Variants in PSMF1 observed in about 807,000 individuals in gnomAD.
PSMF1 encodes proteasome inhibitor PI31 subunit.
PSMF1 carries 30 observed loss-of-function variants against 29.3 expected under a neutral mutation model. The observed-to-expected ratio is 1.02, with a 90% CI of 0.77 to 1.39. The LOEUF (loss-of-function observed/expected upper bound fraction) is 1.39. PSMF1 is among the 40% of genes most tolerant of loss of function. PSMF1 has a pLI of 0.00. For synonymous variants in PSMF1, 134 were observed against 139.7 expected, an observed-to-expected ratio of 0.96 and a Z score of 0.29; for missense variants, 344 against 357.5, an observed-to-expected ratio of 0.96 and a Z score of 0.31.
intron 1 of PSMF1, among the ~76,000 whole-genome samples, chr20:1,125,171 G>A (rs1483540017): frequency 1.3e-5 from 2 of 152,164 alleles, no homozygotes; most frequent in Non-Finnish European, 2.9e-5. Flanking sequence ...TTAGAACTTC[G>A]CAGTGTTCCT....
At chr20:1,118,974 G>T in intron 1 of PSMF1, 72 bp downstream of exon 1, 1 of 1,551,002 alleles carries the variant, frequency 6.4e-7, no homozygotes, top group Middle Eastern at 1.7e-4. Context: ...CGGAGGCCTG[G>T]TCCAGAGCGC....
At chr20:1,135,056 C>A in intron 3 of PSMF1, 65 bp from the exon 4 acceptor site, 1 of 1,562,184 alleles carries the variant, frequency 6.4e-7, no homozygotes, top group South Asian at 1.1e-5. Flanking sequence ...TCGTTGCAGC[C>A]AGAATACCAC....
chr20:1,125,572 G>T lies in PSMF1; in HGVS notation c.204G>T (p.Arg68=). ...ACAATAAAGACCTGTATGTCCTCCG[G>T]TATGAGTATAAGGATGGGTCCAGAA... ...WNNNKDLYVL[R]YEYKDGSRKL... is the part of the protein sequence containing the mutation. The change falls in exon 2 of 7, where the codon CGG becomes CGT. Residue 68 remains arginine (R), a synonymous_variant. Transcript: ENST00000335877. 1 of 1,614,140 alleles carries T rather than the reference G, an allele frequency of 6.2e-7. No individual in the cohort carries two copies.
At chr20:1,130,098 A>G (rs1209594075) in intron 3 of PSMF1, among the ~76,000 whole-genome samples, 1 of 152,238 alleles carries the variant, frequency 6.6e-6, no homozygotes, top group Non-Finnish European at 1.5e-5. Flanking sequence ...GTGTGATTCT[A>G]TTAAAAGTAC....
rs1417763009 is a variant in PSMF1, at chr20:1,171,953, C to T, written c.*6873C>T. The stretch of plus-strand genomic sequence containing the variant: ...TGTGAAGAGAGGGATGGCCCAGGGG[C>T]CCTTGGCCATGGTGGCCTTGGACAA... On this transcript the variant is annotated 3_prime_UTR_variant, in exon 7 of 7. Transcript: ENST00000335877. Among the ~76,000 whole-genome samples, 2 of 152,230 alleles carry T rather than the reference C, an allele frequency of 1.3e-5. No individual in the cohort carries two copies. The highest frequency in any genetic ancestry group is 2.4e-5 in the African/African-American group (1 of 41,468).
At chr20:1,128,689 T>G (rs1029791772) in intron 3 of PSMF1, among the ~76,000 whole-genome samples, 145 of 146,302 alleles carry the variant, frequency 9.9e-4, no homozygotes, top group African/African-American at 3.5e-3. Flanking sequence ...TTATAGGGAT[T>G]TTCCCCCCAT....
At chr20:1,151,083 T>A (rs2122568746) in intron 4 of PSMF1, among the ~76,000 whole-genome samples, 1 of 152,372 alleles carries the variant, frequency 6.6e-6, no homozygotes, top group Non-Finnish European at 1.5e-5. Context: ...TCTCTATTCT[T>A]AAAATTTGTT....
At chr20:1,139,049 G>C (rs8117499) in intron 4 of PSMF1, among the ~76,000 whole-genome samples, 104 of 151,904 alleles carry the variant, frequency 6.8e-4, no homozygotes, top group Admixed American at 2.6e-3. Flanking sequence ...GGTTGTGCAT[G>C]CCTGTAATCC....
intron 4 of PSMF1, among the ~76,000 whole-genome samples, chr20:1,145,378 T>C (rs1188328322): frequency 3.3e-5 from 5 of 152,082 alleles, no homozygotes; most frequent in Admixed American, 3.3e-4. Context: ...GGATGAGCAA[T>C]GGACTGGGAG....
In PSMF1 at chr20:1,165,720, G is replaced by T; in HGVS notation, c.*640G>T. On this transcript the variant is annotated 3_prime_UTR_variant, in exon 7 of 7. Transcript: ENST00000335877. ...ACAAGAATGACTTTCACAAGGGCAGGAACATTGTGGAAAGACTGCATCATT... is the reference window on the plus strand; with the variant it reads ...ACAAGAATGACTTTCACAAGGGCAGTAACATTGTGGAAAGACTGCATCATT... 1 of 1,005,770 alleles carries T rather than the reference G, an allele frequency of 9.9e-7. No homozygotes were observed. The highest frequency in any genetic ancestry group is 1.2e-6 in the Non-Finnish European group (1 of 841,264). 62.3% of individuals were successfully genotyped at this position (1,005,770 alleles called of 1,614,324 possible). A position where few individuals can be genotyped will look rare whatever the true frequency, so the allele number is the denominator to read the frequency against.
chr20:1,129,978 ATAT>A (rs2122486883), intron 3 of PSMF1, among the ~76,000 whole-genome samples: 1 of 152,366 alleles, frequency 6.6e-6, no homozygotes, highest in African/African-American at 2.4e-5. Context: ...ATACAGTAGA[ATAT>A]TATTCGGCTT....
At chr20:1,128,222 G>A (rs1338457800) in intron 3 of PSMF1, among the ~76,000 whole-genome samples, 1 of 152,166 alleles carries the variant, frequency 6.6e-6, no homozygotes, top group African/African-American at 2.4e-5. Context: ...CTTTTCTAGA[G>A]TGTCACATAG....
intron 1 of PSMF1, among the ~76,000 whole-genome samples, chr20:1,122,038 G>T (rs1024791350): frequency 1.3e-5 from 2 of 152,224 alleles, no homozygotes; most frequent in African/African-American, 4.8e-5. Context: ...GTGAATTTTA[G>T]TTCAGAGGCA....
intron 4 of PSMF1, among the ~76,000 whole-genome samples, chr20:1,160,417 C>A (rs2086651760): frequency 6.6e-6 from 1 of 152,002 alleles, no homozygotes; most frequent in Non-Finnish European, 1.5e-5. Flanking sequence ...TGATTAATGT[C>A]TTTGTGAGTA....
Position 1,135,177 on chromosome 20 carries a change from C to T in PSMF1, c.422C>T (p.Pro141Leu), listed in dbSNP as rs145936617. Reference protein sequence around the residue: ...RSRIVSGIITPIHEQWEKANV... With the variant: ...RSRIVSGIITLIHEQWEKANV... ...CGTATTGTGTCTGGAATCATCACAC[C>T]TATCCATGAGCAGTGGGAAAAGGCT... The change falls in exon 4 of 7, where the codon CCT (proline) becomes CTT (leucine). Residue 141 changes from proline to leucine, a missense_variant. By Grantham distance (98) the Pro-to-Leu change is moderately conservative (BLOSUM62 -3). Coordinates refer to ENST00000335877, the MANE Select transcript of PSMF1 (RefSeq NM_006814.5). The T allele has an allele frequency of 7.1e-5, 114 of 1,614,162 alleles. 2 individuals carry two copies. Among genetic ancestry groups the T allele is most frequent in the Middle Eastern group, 4.9e-4 (3 of 6,062 alleles).
chr20:1,117,644 G>T (rs1300661182), upstream of PSMF1, among the ~76,000 whole-genome samples: 1 of 152,170 alleles, frequency 6.6e-6, no homozygotes. Flanking sequence ...ACACCTGGCC[G>T]ATCTGACTTG....
chr20:1,143,208 T>A (rs2086405785), intron 4 of PSMF1, among the ~76,000 whole-genome samples: 1 of 152,194 alleles, frequency 6.6e-6, no homozygotes, highest in Admixed American at 6.5e-5. Context: ...AACAATTTTT[T>A]AAAAGAATAA....
Position 1,118,780 on chromosome 20 carries a change from G to A in PSMF1, c.7G>A (p.Gly3Ser). ...GCCGAAGTCGCGGGCGCTCATGGCG[G>A]GCCTGGAGGTACTGTTCGCATCGGC... MA[G>S]LEVLFASAAP... The change falls in exon 1 of 7, where the codon GGC becomes AGC. Residue 3 changes from glycine to serine, a missense_variant. Transcript: ENST00000335877. 6.2e-7 allele frequency: 1 copy of A among 1,610,910 alleles called. No homozygotes were observed. The highest frequency in any genetic ancestry group is 8.5e-7 in the Non-Finnish European group (1 of 1,178,186).
At chr20:1,135,453 T>G in intron 4 of PSMF1, 147 bp downstream of exon 4, 4 of 919,138 alleles carry the variant, frequency 4.4e-6, no homozygotes, top group Non-Finnish European at 6.4e-6. Context: ...AGTTAGAAAG[T>G]GGAGACGTAA....
Sources: gnomAD v4.1 joint callset for allele counts (sites outside exome capture counted in the v4.1 genomes callset) on GRCh38, gnomAD v4.1.1 for gene constraint, MANE v1.5 for transcripts, NCBI Gene and HGNC (gene_info 2026-07-23, HGNC 2026-07-21) for gene names.